Variants in AP4E1 observed in about 807,000 individuals in gnomAD.
The protein encoded by AP4E1 is adaptor related protein complex 4 subunit epsilon 1, also known as AP-4 complex subunit epsilon-1.
In AP4E1, 56 loss-of-function variants were observed where a neutral mutation model predicts 128.2. That is an observed-to-expected ratio of 0.44 (90% CI 0.35 to 0.55). The LOEUF (loss-of-function observed/expected upper bound fraction) is 0.55. AP4E1 is among the 20% of genes least tolerant of loss of function. The pLI, the probability that AP4E1 is intolerant of heterozygous loss-of-function variation, is 0.00. For missense variants in AP4E1, 1,324 were observed against 1,307.7 expected, an observed-to-expected ratio of 1.01 and a Z score of -0.19; for synonymous variants, 484 against 473.1, an observed-to-expected ratio of 1.02 and a Z score of -0.30.
At chr15:50,992,402 G>A (rs2064818415) in intron 16 of AP4E1, among the ~76,000 whole-genome samples, 1 of 152,148 alleles carries the variant, frequency 6.6e-6, no homozygotes, top group Admixed American at 6.5e-5. Context: ...GGTGTGCTAT[G>A]TGATGTTTTG....
At chr15:50,939,469 C>A (rs1351641213) in intron 8 of AP4E1, among the ~76,000 whole-genome samples, 2 of 151,754 alleles carry the variant, frequency 1.3e-5, no homozygotes, top group African/African-American at 4.8e-5. Flanking sequence ...ACTTCACCAC[C>A]ACAGAGAGGA....
intron 10 of AP4E1, among the ~76,000 whole-genome samples, chr15:50,947,792 G>A (rs1034812257): frequency 6.6e-6 from 1 of 152,154 alleles, no homozygotes; most frequent in Non-Finnish European, 1.5e-5. Context: ...GATTATCTCA[G>A]TAGGAAGCTT....
intron 14 of AP4E1, among the ~76,000 whole-genome samples, chr15:50,965,088 C>CTGAACAGAT (rs1435297157): frequency 6.6e-6 from 1 of 151,988 alleles, no homozygotes; most frequent in East Asian, 1.9e-4. Context: ...CTTACAAGAG[C>CTGAACAGAT]TGAACAGATG....
Position 50,941,459 on chromosome 15 carries a change from G to A in AP4E1, c.961G>A (p.Val321Met), listed in dbSNP as rs2063986322. Residue 321 changes from valine to methionine, a missense_variant, in exon 9 of 21, where the codon GTG (valine) becomes ATG (methionine). By Grantham distance (21) the Val-to-Met change is conservative. Coordinates refer to ENST00000261842, the MANE Select transcript of AP4E1 (RefSeq NM_007347.5). Reference protein sequence around the residue: ...NVTYAILFECVHTVYSIYPKS... With the variant: ...NVTYAILFECMHTVYSIYPKS... ...TTTTCTAGCTATTTTGTTTGAATGT[G>A]TGCATACAGTCTATTCTATTTATCC... is the stretch of plus-strand genomic sequence containing the variant. 6.2e-7 allele frequency: 1 copy of A among 1,612,814 alleles called. No homozygotes were observed. Among genetic ancestry groups the A allele is most frequent in the African/African-American group, 1.3e-5 (1 of 75,022 alleles).
intron 15 of AP4E1, among the ~76,000 whole-genome samples, chr15:50,980,649 T>C (rs1596501832): frequency 6.6e-6 from 1 of 152,238 alleles, no homozygotes; most frequent in African/African-American, 2.4e-5. Context: ...AGGCTGCCCT[T>C]CTCTTCACAG....
chr15:50,975,716 A>C (rs1421645775), intron 15 of AP4E1, among the ~76,000 whole-genome samples: 2 of 152,170 alleles, frequency 1.3e-5, no homozygotes, highest in Non-Finnish European at 2.9e-5. Flanking sequence ...TGAAATCAGT[A>C]AGTGTGATGC....
At chr15:50,987,276 G>T (rs1230416585) in intron 16 of AP4E1, among the ~76,000 whole-genome samples, 1 of 152,044 alleles carries the variant, frequency 6.6e-6, no homozygotes, top group Non-Finnish European at 1.5e-5. Context: ...CTGATTTTTT[G>T]AAGGGTTTTT....
At chr15:50,963,613 T>C (rs977775296) in intron 14 of AP4E1, among the ~76,000 whole-genome samples, 1 of 152,140 alleles carries the variant, frequency 6.6e-6, no homozygotes, top group Non-Finnish European at 1.5e-5. Context: ...GTAACATACC[T>C]AGATAAGAGG....
At chr15:50,929,254 A>G (rs924951689) in intron 6 of AP4E1, 86 bp downstream of exon 6, 1 of 1,421,456 alleles carries the variant, frequency 7.0e-7, no homozygotes, top group East Asian at 2.3e-5. Flanking sequence ...TATTTTGGTA[A>G]AATGCTTAGT....
intron 15 of AP4E1, among the ~76,000 whole-genome samples, chr15:50,970,823 T>C (rs1173919421): frequency 2.0e-5 from 3 of 152,208 alleles, no homozygotes; most frequent in Admixed American, 6.6e-5. Context: ...GCAGTGATTC[T>C]GTATCTTTTA....
chr15:50,941,278 T>C (rs1344093788), intron 8 of AP4E1, among the ~76,000 whole-genome samples, 164 bp from the exon 9 acceptor site: 1 of 152,156 alleles, frequency 6.6e-6, no homozygotes, highest in Non-Finnish European at 1.5e-5. Context: ...TCCTAGTAAC[T>C]GGGTAAGCCT....
At chr15:50,969,660 CTTT>C (rs370228298) in intron 15 of AP4E1, among the ~76,000 whole-genome samples, 1 of 133,954 alleles carries the variant, frequency 7.5e-6, no homozygotes. Context: ...CAATATCTTT[CTTT>C]TTTTTTTTTT....
At chr15:50,937,639 G>A (rs958953721) in intron 8 of AP4E1, among the ~76,000 whole-genome samples, 2 of 152,174 alleles carry the variant, frequency 1.3e-5, no homozygotes, top group Admixed American at 6.5e-5. Flanking sequence ...GATCATTAAG[G>A]GCCTGAGGGC....
At chr15:50,973,290 G>A (rs1435264787) in intron 15 of AP4E1, among the ~76,000 whole-genome samples, 5 of 152,186 alleles carry the variant, frequency 3.3e-5, no homozygotes, top group Non-Finnish European at 5.9e-5. Flanking sequence ...CAACTAAACT[G>A]TTGATCCTAG....
intron 15 of AP4E1, among the ~76,000 whole-genome samples, chr15:50,977,720 T>TTTTTG (rs2064577210): frequency 6.8e-6 from 1 of 147,948 alleles, no homozygotes; most frequent in Non-Finnish European, 1.5e-5. Flanking sequence ...TTTTTTTTTT[T>TTTTTG]TTTTTTAGAC....
intron 16 of AP4E1, among the ~76,000 whole-genome samples, chr15:50,991,987 A>T (rs953602829): frequency 6.9e-6 from 1 of 145,118 alleles, no homozygotes. Flanking sequence ...TTTTAACTCC[A>T]GTGTTATTGA....
At chr15:50,963,969 C>T (rs1433060853) in intron 14 of AP4E1, among the ~76,000 whole-genome samples, 4 of 152,226 alleles carry the variant, frequency 2.6e-5, no homozygotes, top group African/African-American at 9.6e-5. Flanking sequence ...TACTGGATTA[C>T]AGGCGTGAGC....
intron 5 of AP4E1, among the ~76,000 whole-genome samples, chr15:50,927,671 C>CT (rs879350677): frequency 0.028 from 4,117 of 145,010 alleles, 203 homozygotes; most frequent in African/African-American, 0.096. Flanking sequence ...CTTTTCTTTT[C>CT]TTTTTTTTTT....
intron 14 of AP4E1, among the ~76,000 whole-genome samples, chr15:50,959,977 A>G (rs1432618445): frequency 6.6e-6 from 1 of 151,566 alleles, no homozygotes; most frequent in Admixed American, 6.6e-5. Context: ...AAGAGTAGCT[A>G]ATGTTATATC....
Sources: gnomAD v4.1 joint callset for allele counts (sites outside exome capture counted in the v4.1 genomes callset) on GRCh38, gnomAD v4.1.1 for gene constraint, MANE v1.5 for transcripts, NCBI Gene and HGNC (gene_info 2026-07-23, HGNC 2026-07-21) for gene names.